Variants in CCDC112 observed in about 807,000 individuals in gnomAD.
CCDC112 encodes coiled-coil domain containing 112.
A neutral mutation model predicts 66.3 loss-of-function variants in CCDC112; 40 were observed. The observed-to-expected ratio is 0.60, with a 90% CI of 0.47 to 0.79. CCDC112 has a LOEUF of 0.79. Among genes scored for constraint, CCDC112 ranks in the 30% least tolerant of loss-of-function variants. The pLI is 0.00. For missense variants in CCDC112, 659 were observed against 603.8 expected, an observed-to-expected ratio of 1.09 and a Z score of -0.96; for synonymous variants, 214 against 197.2, an observed-to-expected ratio of 1.09 and a Z score of -0.71.
chr5:115,295,872 A>G (rs2127081899), intron 1 of CCDC112: 5 of 985,142 alleles, frequency 5.1e-6, no homozygotes, highest in Non-Finnish European at 4.8e-6. Context: ...GAGATCATGG[A>G]AAGTCTCGCT....
chr5:115,271,654 C>G, intron 6 of CCDC112, 28 bp from the exon 7 acceptor site: 1 of 1,449,744 alleles, frequency 6.9e-7, no homozygotes, highest in Admixed American at 2.6e-5. Context: ...AAAAAGAAAG[C>G]AAGAGAAAAA....
At chr5:115,295,826 G>A in intron 1 of CCDC112, 1 of 892,524 alleles carries the variant, frequency 1.1e-6, no homozygotes, top group Non-Finnish European at 1.3e-6. Flanking sequence ...CCAGAAACAG[G>A]GACTGGGTGT....
At chr5:115,289,683 T>C (rs1749839745) in intron 1 of CCDC112, among the ~76,000 whole-genome samples, 1 of 152,208 alleles carries the variant, frequency 6.6e-6, no homozygotes, top group South Asian at 2.1e-4. Context: ...GCAAGTATTT[T>C]CTCCCATACT....
intron 3 of CCDC112, among the ~76,000 whole-genome samples, chr5:115,277,706 C>T (rs2127059054): frequency 6.6e-6 from 1 of 152,220 alleles, no homozygotes; most frequent in East Asian, 1.9e-4. Context: ...ATGAGAGTCT[C>T]AACGATTCTT....
chr5:115,291,347 G>A (rs1749921259), intron 1 of CCDC112, among the ~76,000 whole-genome samples: 1 of 152,052 alleles, frequency 6.6e-6, no homozygotes, highest in East Asian at 1.9e-4. Flanking sequence ...TGATCATGGT[G>A]TATAATCCTT....
intron 6 of CCDC112, 93 bp downstream of exon 6, chr5:115,275,123 G>T: frequency 1.1e-6 from 1 of 930,802 alleles, no homozygotes; most frequent in Non-Finnish European, 1.6e-6. Flanking sequence ...CACTTCATGG[G>T]ATTGCTGTAA....
chr5:115,276,535 A>G (rs1749213509), intron 4 of CCDC112, among the ~76,000 whole-genome samples: 1 of 152,164 alleles, frequency 6.6e-6, no homozygotes, highest in Admixed American at 6.5e-5. Flanking sequence ...TTCCTTATGT[A>G]TTAGAAATGC....
intron 1 of CCDC112, chr5:115,296,176 T>C (rs1750147927): frequency 4.0e-6 from 5 of 1,261,030 alleles, no homozygotes; most frequent in Admixed American, 4.3e-5. Context: ...TATGTTCTTA[T>C]CACGCGGCTA....
At position 115,276,063 on chromosome 5, in the gene CCDC112, T is replaced by G. The variant is rs749245993; in HGVS notation, c.458A>C (p.Glu153Ala). The G allele has an allele frequency of 3.1e-6, 5 of 1,600,138 alleles. No homozygotes were observed. In the East Asian group the frequency reaches 9.1e-5, roughly 29 times the overall value. Residue 153 changes from glutamate (E) to alanine (A), a missense_variant, in exon 5 of 10, where the codon GAG (glutamate) becomes GCG (alanine). Glu to Ala is a moderately radical substitution (Grantham distance 107). Transcript: ENST00000379611. ...KDVKPTPDFV[E>A]KLREMMEEIE... ...TTCTTCCATCATTTCTCTGAGCTTC[T>G]CAACAACTGTAAAAGAAACACGGAA...
In CCDC112 at chr5:115,275,552, T is replaced by A. The variant is rs779236134; in HGVS notation, c.582A>T (p.Ile194=). 1 of 1,612,544 alleles carries A rather than the reference T, an allele frequency of 6.2e-7. No individual in the cohort carries two copies. Among genetic ancestry groups the A allele is most frequent in the East Asian group, 2.2e-5 (1 of 44,862 alleles). Residue 194 remains isoleucine, a synonymous_variant, in exon 6 of 10, where the codon ATA becomes ATT. Transcript: ENST00000379611. ...AAGCCCATGTGTCAATTTTTCTTGA[T>A]ATGGCACTCAACTCATTATTAGTTG... The part of the protein sequence containing the change: ...EKTTNNELSA[I]SRKIDTWALG...
At chr5:115,276,362 G>A (rs1749207975) in intron 4 of CCDC112, among the ~76,000 whole-genome samples, 6 of 152,110 alleles carry the variant, frequency 3.9e-5, no homozygotes, top group Non-Finnish European at 1.5e-5. Flanking sequence ...AAGATCAAAG[G>A]TTTGACCCAA....
chr5:115,281,815 C>T (rs1749469221), intron 2 of CCDC112, among the ~76,000 whole-genome samples: 9 of 152,172 alleles, frequency 5.9e-5, no homozygotes, highest in Admixed American at 5.9e-4. Flanking sequence ...ATCACAGTAA[C>T]ACTGCACACC....
chr5:115,283,299 C>T (rs947072500), intron 2 of CCDC112, among the ~76,000 whole-genome samples: 7 of 152,114 alleles, frequency 4.6e-5, no homozygotes, highest in Non-Finnish European at 7.4e-5. Flanking sequence ...TCATCACCCC[C>T]AGACTCCTGG....
chr5:115,284,754 A>G, intron 2 of CCDC112, 33 bp downstream of exon 2: 1 of 1,520,708 alleles, frequency 6.6e-7, no homozygotes, highest in Non-Finnish European at 9.1e-7. Context: ...AATGGCTAGT[A>G]ATGTTATTTG....
chr5:115,295,797 G>T, intron 1 of CCDC112: 1 of 583,688 alleles, frequency 1.7e-6, no homozygotes, highest in Non-Finnish European at 2.2e-6. Context: ...GGTACTAAGT[G>T]CTATGGGGAA....
chr5:115,279,610 G>A (rs750745802), intron 3 of CCDC112, 37 bp downstream of exon 3: 14 of 1,601,398 alleles, frequency 8.7e-6, no homozygotes, highest in East Asian at 4.5e-5. Context: ...ACTTTATATC[G>A]CTCAACAGTT....
Position 115,267,788 on chromosome 5 carries a change from G to T in CCDC112, c.*88C>A. On this transcript the variant is annotated 3_prime_UTR_variant, in exon 10 of 10. Coordinates refer to ENST00000379611, the MANE Select transcript of CCDC112 (RefSeq NM_001040440.3). ...CAATAATCAATCTGACTAAGCTATT[G>T]ATATTTAAAGAATGTGGTTAGTCAC... 6 of 1,010,020 alleles carry T rather than the reference G, an allele frequency of 5.9e-6. No homozygotes were observed. Among genetic ancestry groups the T allele is most frequent in the Non-Finnish European group, 9.5e-6 (6 of 634,248 alleles). 62.6% of individuals were successfully genotyped at this position (1,010,020 alleles called of 1,614,324 possible). A position where few individuals can be genotyped will look rare whatever the true frequency, so the allele number is the denominator to read the frequency against.
intron 1 of CCDC112, among the ~76,000 whole-genome samples, chr5:115,290,267 C>T (rs1749865007): frequency 6.6e-6 from 1 of 152,124 alleles, no homozygotes; most frequent in African/African-American, 2.4e-5. Flanking sequence ...TGTCTTGGCA[C>T]CCTTTTGAAA....
chr5:115,275,446 G>C lies in CCDC112; in HGVS notation c.688C>G (p.Pro230Ala). The change falls in exon 6 of 10, where the codon CCA (proline) becomes GCA (alanine). Residue 230 changes from proline (P) to alanine (A), a missense_variant. Coordinates refer to ENST00000379611, the MANE Select transcript of CCDC112 (RefSeq NM_001040440.3). ...TTTTCAAAATCTAGTACCTCTTCTG[G>C]AAGAGTACTTGGTGTTACTTTGTCT... ...PVDKVTPSTL[P>A]EEVLDFEKFL... 1.2e-6 allele frequency: 2 copies of C among 1,613,946 alleles called. No homozygotes were observed. Among genetic ancestry groups the C allele is most frequent in the Non-Finnish European group, 1.7e-6 (2 of 1,179,926 alleles).
Sources: allele counts gnomAD v4.1 joint callset (sites outside exome capture counted in the v4.1 genomes callset), GRCh38; gene constraint gnomAD v4.1.1; transcripts MANE v1.5; gene names NCBI Gene and HGNC (gene_info 2026-07-23, HGNC 2026-07-21).